The following PHLPP1 variants were observed in gnomAD, a reference collection of about 807,000 sequenced individuals.
The protein encoded by PHLPP1 is PH domain and leucine rich repeat protein phosphatase 1, also known as PH domain leucine-rich repeat-containing protein phosphatase 1.
A neutral mutation model predicts 117.2 loss-of-function variants in PHLPP1; 42 were observed. That is an observed-to-expected ratio of 0.36 (90% CI 0.28 to 0.46). The LOEUF is 0.46. PHLPP1 is among the 20% of genes least tolerant of loss of function. The pLI, the probability that PHLPP1 is intolerant of heterozygous loss-of-function variation, is 1.00. For synonymous variants in PHLPP1, 1,042 were observed against 970.7 expected, an observed-to-expected ratio of 1.07 and a Z score of -1.37; for missense variants, 2,084 against 2,241.9, an observed-to-expected ratio of 0.93 and a Z score of 1.42.
intron 4 of PHLPP1, among the ~76,000 whole-genome samples, chr18:62,874,354 A>G (rs1915983544): frequency 6.6e-6 from 1 of 151,894 alleles, no homozygotes; most frequent in Admixed American, 6.6e-5. Flanking sequence ...CTAAAAATAC[A>G]CAAACTTAGC....
At position 62,915,642 on chromosome 18, in the gene PHLPP1, A is replaced by G. The variant is rs917351821; in HGVS notation, c.2804+634A>G. Among the ~76,000 whole-genome samples the G allele has an allele frequency of 2.0e-5, 3 of 152,206 alleles. No individual in the cohort carries two copies. In the South Asian group the frequency reaches 6.2e-4, roughly 31 times the overall value. On this transcript the variant is annotated intron_variant, in intron 9 of 16. Coordinates refer to ENST00000262719, the MANE Select transcript of PHLPP1 (RefSeq NM_194449.4). ...ACAGACAGATATTTTCAAGTTGACT[A>G]ATCATGGTCCAAAATATTAGTGGAC...
chr18:62,959,315 A>G (rs148494669), intron 13 of PHLPP1, among the ~76,000 whole-genome samples: 2 of 152,376 alleles, frequency 1.3e-5, no homozygotes, highest in East Asian at 3.8e-4. Context: ...ATTTAGAGCT[A>G]TATTGCTAAC....
chr18:62,948,070 A>G (rs493008), intron 12 of PHLPP1, among the ~76,000 whole-genome samples: 65,747 of 151,856 alleles, frequency 0.43, 14,478 homozygotes, highest in East Asian at 0.62. Context: ...CAGGCCAGGC[A>G]CGGCAGCTCC....
At chr18:62,924,233 A>G (rs1416079976) in intron 10 of PHLPP1, among the ~76,000 whole-genome samples, 3 of 152,210 alleles carry the variant, frequency 2.0e-5, no homozygotes, top group African/African-American at 7.2e-5. Flanking sequence ...TTGCCCTTCC[A>G]TTCAGTTTGC....
chr18:62,935,254 A>G (rs760890039), intron 10 of PHLPP1, among the ~76,000 whole-genome samples: 7 of 152,216 alleles, frequency 4.6e-5, no homozygotes, highest in Non-Finnish European at 1.0e-4. Context: ...TGGAAGACAT[A>G]TTATATTGGT....
chr18:62,960,988 T>C (rs1219919591), intron 13 of PHLPP1, among the ~76,000 whole-genome samples: 1 of 152,120 alleles, frequency 6.6e-6, no homozygotes, highest in African/African-American at 2.4e-5. Context: ...TTCACAGAAC[T>C]CTGACTCATT....
chr18:62,959,426 G>A (rs1910703708), intron 13 of PHLPP1, among the ~76,000 whole-genome samples: 1 of 152,072 alleles, frequency 6.6e-6, no homozygotes, highest in Non-Finnish European at 1.5e-5. Flanking sequence ...TGTGTGCATT[G>A]GGTATATGTA....
intron 13 of PHLPP1, 31 bp downstream of exon 13, chr18:62,958,790 T>C: frequency 1.2e-6 from 2 of 1,611,018 alleles, no homozygotes; most frequent in Non-Finnish European, 1.7e-6. Context: ...TGTATCCCCA[T>C]CATTGTCCAC....
intron 1 of PHLPP1, among the ~76,000 whole-genome samples, chr18:62,748,434 A>T (rs969728374): frequency 1.3e-5 from 2 of 151,824 alleles, no homozygotes; most frequent in Non-Finnish European, 2.9e-5. Flanking sequence ...TTCCGTAGAG[A>T]TGGGTTTTTG....
chr18:62,881,644 A>G (rs599881), intron 4 of PHLPP1, among the ~76,000 whole-genome samples: 90,184 of 152,052 alleles, frequency 0.59, 26,969 homozygotes, highest in Middle Eastern at 0.68. Context: ...AGCTGGTTGC[A>G]TGCCACATTA....
chr18:62,736,018 G>T (rs1185615739), intron 1 of PHLPP1, among the ~76,000 whole-genome samples: 1 of 152,032 alleles, frequency 6.6e-6, no homozygotes, highest in Non-Finnish European at 1.5e-5. Context: ...TATAAAATGG[G>T]TGAGAACCTC....
At chr18:62,833,043 A>G (rs1467891082) in intron 2 of PHLPP1, among the ~76,000 whole-genome samples, 4 of 152,286 alleles carry the variant, frequency 2.6e-5, no homozygotes, top group Admixed American at 2.0e-4. Flanking sequence ...AACTTGTCCT[A>G]TAGAATTTAA....
Position 62,895,009 on chromosome 18 carries a change from A to T in PHLPP1, c.2067-2A>T. The T allele has an allele frequency of 6.3e-7, 1 of 1,598,760 alleles. No individual in the cohort carries two copies. The highest frequency in any genetic ancestry group is 2.2e-5 in the East Asian group (1 of 44,630). On this transcript the variant is annotated splice_acceptor_variant, in intron 4 of 16. Transcript: ENST00000262719. LOFTEE classifies it high-confidence loss of function. ...CCCTTTTGTTTTGCTTTATTGTAAT[A>T]GGTTCACCAAGTTGAAGAGTCTTAA... is the stretch of plus-strand genomic sequence containing the variant.
chr18:62,756,446 G>A (rs1011770780), intron 1 of PHLPP1, among the ~76,000 whole-genome samples: 1 of 152,138 alleles, frequency 6.6e-6, no homozygotes, highest in African/African-American at 2.4e-5. Context: ...AAATAATCAG[G>A]GGATTATTAT....
At chr18:62,866,567 G>T (rs982003698) in intron 4 of PHLPP1, among the ~76,000 whole-genome samples, 16 of 152,044 alleles carry the variant, frequency 1.1e-4, no homozygotes, top group Non-Finnish European at 2.2e-4. Flanking sequence ...ATTTTAAAAC[G>T]CTGTATAGTT....
intron 2 of PHLPP1, among the ~76,000 whole-genome samples, chr18:62,835,449 C>T (rs1914866458): frequency 6.6e-6 from 1 of 151,976 alleles, no homozygotes; most frequent in South Asian, 2.1e-4. Context: ...CCCCCTGCCT[C>T]GGCCTCCTAA....
intron 1 of PHLPP1, chr18:62,824,131 C>CAAAAAA: frequency 8.6e-6 from 3 of 347,052 alleles, no homozygotes; most frequent in Non-Finnish European, 1.1e-5. Flanking sequence ...AACTCCGTCT[C>CAAAAAA]AAAAAAAAAA....
intron 1 of PHLPP1, among the ~76,000 whole-genome samples, chr18:62,821,356 C>G (rs911499509): frequency 2.0e-5 from 3 of 151,472 alleles, no homozygotes; most frequent in Non-Finnish European, 2.9e-5. Flanking sequence ...ATCAGTGAGC[C>G]TGAGGAACAT....
At chr18:62,834,028 C>T (rs1450385229) in intron 2 of PHLPP1, among the ~76,000 whole-genome samples, 2 of 152,012 alleles carry the variant, frequency 1.3e-5, no homozygotes, top group Non-Finnish European at 2.9e-5. Flanking sequence ...CTGGTAACAC[C>T]CCTCTTTTCC....
Sources: allele counts gnomAD v4.1 joint callset (sites outside exome capture counted in the v4.1 genomes callset), GRCh38; gene constraint gnomAD v4.1.1; transcripts MANE v1.5; gene names NCBI Gene and HGNC (gene_info 2026-07-23, HGNC 2026-07-21).